Variants in ANKHD1 observed in about 807,000 individuals in gnomAD.
The protein encoded by ANKHD1 is ankyrin repeat and KH domain-containing protein 1.
A neutral mutation model predicts 230.5 loss-of-function variants in ANKHD1; 31 were observed. That is an observed-to-expected ratio of 0.13 (90% CI 0.10 to 0.18). The LOEUF (loss-of-function observed/expected upper bound fraction) is 0.18. ANKHD1 is among the 10% of genes least tolerant of loss of function. The probability of loss-of-function intolerance (pLI) is 1.00; values close to 1 mark genes in which losing one functional copy is unlikely to be tolerated. For synonymous variants in ANKHD1, 1,074 were observed against 1,117.6 expected, an observed-to-expected ratio of 0.96 and a Z score of 0.78; for missense variants, 2,256 against 3,071.3, an observed-to-expected ratio of 0.73 and a Z score of 6.27.
intron 10 of ANKHD1, among the ~76,000 whole-genome samples, chr5:140,475,037 A>G (rs1266043031): frequency 6.6e-6 from 1 of 152,180 alleles, no homozygotes; most frequent in Non-Finnish European, 1.5e-5. Flanking sequence ...ATCTAAAACT[A>G]CCTATGGAAT....
rs949883448 is a variant in ANKHD1 at position 140,403,943 on chromosome 5, G to A, written c.306+1670G>A. 3.3e-5 allele frequency among the ~76,000 whole-genome samples: 5 copies of A among 152,008 alleles called. No individual in the cohort carries two copies. The East Asian group carries it at 7.7e-4, about 23-fold the overall frequency. ...GTCTTATCATTCTAGGTCTGAACAG[G>A]GTTTTATTTAATATTTAAAACCTTA... On this transcript the variant is annotated intron_variant, in intron 1 of 33. Transcript: ENST00000360839.
intron 29 of ANKHD1, among the ~76,000 whole-genome samples, chr5:140,533,340 T>TA (rs1424043717): frequency 6.6e-6 from 1 of 152,170 alleles, no homozygotes; most frequent in Non-Finnish European, 1.5e-5. Flanking sequence ...GGCTCACGCC[T>TA]GTAATCCCAG....
At chr5:140,426,686 T>C (rs139713087) in intron 1 of ANKHD1, among the ~76,000 whole-genome samples, 2,292 of 152,248 alleles carry the variant, frequency 0.015, 61 homozygotes, top group African/African-American at 0.052. Flanking sequence ...TTTGTGTCCC[T>C]GGGTACTTGA....
In ANKHD1 at chr5:140,448,741, T is replaced by G. The variant is rs150440968; in HGVS notation, c.1148-470T>G. 3.7e-3 allele frequency among the ~76,000 whole-genome samples: 570 copies of G among 152,344 alleles called. 6 individuals are homozygous for G. The highest frequency in any genetic ancestry group is 0.013 in the African/African-American group (556 of 41,576). ...TCTGGAGTGTTTGTCATTTTCTTAT[T>G]GACTATCAAGGCTTTTTATATATTC... On this transcript the variant is annotated intron_variant, in intron 6 of 33. Transcript: ENST00000360839.
At chr5:140,447,720 G>A (rs1005886596) in intron 6 of ANKHD1, among the ~76,000 whole-genome samples, 3 of 152,150 alleles carry the variant, frequency 2.0e-5, no homozygotes, top group Non-Finnish European at 4.4e-5. Flanking sequence ...CCTAGTATGT[G>A]GTTTGTATCC....
At chr5:140,466,873 G>A (rs1776130687) in intron 10 of ANKHD1, among the ~76,000 whole-genome samples, 1 of 151,786 alleles carries the variant, frequency 6.6e-6, no homozygotes, top group Non-Finnish European at 1.5e-5. Context: ...GGCGGAGGTT[G>A]CAGTGAGCTG....
At chr5:140,457,058 CT>C (rs1384171827) in intron 7 of ANKHD1, among the ~76,000 whole-genome samples, 2 of 152,180 alleles carry the variant, frequency 1.3e-5, no homozygotes, top group Non-Finnish European at 2.9e-5. Context: ...TGAACAGACA[CT>C]TCTCAAAAGA....
rs890857791 is a variant in ANKHD1, at chr5:140,456,281, C to T, written c.1243-2344C>T. On this transcript the variant is annotated intron_variant, in intron 7 of 33. Coordinates refer to ENST00000360839, the MANE Select transcript of ANKHD1 (RefSeq NM_017747.3). ...ATTCAATATCGTGAAAATGGCCATA[C>T]TGCCCAAAGTAATTTATAGATTCAA... 4.6e-5 allele frequency among the ~76,000 whole-genome samples: 7 copies of T among 152,294 alleles called. No homozygotes were observed. The South Asian group carries it at 8.3e-4, about 18-fold the overall frequency.
At chr5:140,489,102 ATCACTT>A (rs1361782495) in intron 14 of ANKHD1, among the ~76,000 whole-genome samples, 1 of 151,536 alleles carries the variant, frequency 6.6e-6, no homozygotes, top group Non-Finnish European at 1.5e-5. Context: ...TAGTGGGAGG[ATCACTT>A]CAGCCTGGGA....
At chr5:140,482,289 C>T (rs1751314851) in intron 10 of ANKHD1, among the ~76,000 whole-genome samples, 1 of 151,958 alleles carries the variant, frequency 6.6e-6, no homozygotes, top group African/African-American at 2.4e-5. Context: ...TTTTTTAAAA[C>T]TTAGAATTAG....
At chr5:140,446,160 A>G (rs1774262181) in intron 6 of ANKHD1, among the ~76,000 whole-genome samples, 185 bp downstream of exon 6, 1 of 152,078 alleles carries the variant, frequency 6.6e-6, no homozygotes, top group African/African-American at 2.4e-5. Flanking sequence ...GTTTTCTAGT[A>G]TATGTTTATT....
At position 140,526,361 on chromosome 5, in the gene ANKHD1, G is replaced by A. The variant is rs991367864; in HGVS notation, c.4858G>A (p.Val1620Met). 2 of 1,614,162 alleles carry A rather than the reference G, an allele frequency of 1.2e-6. No homozygotes were observed. The highest frequency in any genetic ancestry group is 3.3e-5 in the Admixed American group (2 of 60,002). ...KSQELNFVMDVNSSKYPSLLL... is the reference protein window; with the variant it reads ...KSQELNFVMDMNSSKYPSLLL... The stretch of plus-strand genomic sequence containing the variant: ...CCAAGAGTTAAATTTTGTGATGGAT[G>A]TGAATTCCTCTAAATACCCCTCACT... The change falls in exon 26 of 34, where the codon GTG becomes ATG. Residue 1620 changes from valine to methionine, a missense_variant. Coordinates refer to ENST00000360839, the MANE Select transcript of ANKHD1 (RefSeq NM_017747.3).
rs1178240747 is a variant in ANKHD1, at chr5:140,496,443, CTTTTTTTTTTTTCTTTTCT to C, written c.2246-64_2246-46del. ...GTGTGTGGGAGGGGAGGCTGGTTTTCTTTTTTTTTTTTCTTTTCTTTTTTTTTTTTTTTTTTTTTAGCAT... is the reference window on the plus strand; with the variant it reads ...GTGTGTGGGAGGGGAGGCTGGTTTTCTTTTTTTTTTTTTTTTTTTTAGCAT... On this transcript the variant is annotated intron_variant, in intron 14 of 33. Coordinates refer to ENST00000360839, the MANE Select transcript of ANKHD1 (RefSeq NM_017747.3). 159 of 721,158 alleles carry C rather than the reference CTTTTTTTTTTTTCTTTTCT, an allele frequency of 2.2e-4. No individual in the cohort carries two copies. The East Asian group carries it at 8.3e-3, about 38-fold the overall frequency. The allele number at this position is 721,158 out of a possible 1,614,324, so 44.7% of individuals were successfully genotyped here. A position where few individuals can be genotyped will look rare whatever the true frequency, so the allele number is the denominator to read the frequency against.
At chr5:140,447,594 C>T (rs1186964107) in intron 6 of ANKHD1, among the ~76,000 whole-genome samples, 1 of 152,200 alleles carries the variant, frequency 6.6e-6, no homozygotes, top group Non-Finnish European at 1.5e-5. Flanking sequence ...GCATATGTCA[C>T]AAAATCTAAA....
At chr5:140,424,318 C>T (rs1384393000) in intron 1 of ANKHD1, among the ~76,000 whole-genome samples, 1 of 152,090 alleles carries the variant, frequency 6.6e-6, no homozygotes, top group Non-Finnish European at 1.5e-5. Flanking sequence ...ATATCTTGTT[C>T]TGTCATCCAG....
intron 24 of ANKHD1, among the ~76,000 whole-genome samples, chr5:140,519,473 A>T (rs1490911342): frequency 6.6e-6 from 1 of 152,210 alleles, no homozygotes; most frequent in African/African-American, 2.4e-5. Context: ...TCGCCAAGTC[A>T]GTCCTACGCC....
chr5:140,421,325 A>C (rs1421838389), intron 1 of ANKHD1, among the ~76,000 whole-genome samples: 1 of 130,538 alleles, frequency 7.7e-6, no homozygotes, highest in African/African-American at 2.8e-5. Flanking sequence ...TTTTTGAGAC[A>C]GTTTCGCTCT....
chr5:140,520,258 T>C (rs1753263855), intron 24 of ANKHD1, among the ~76,000 whole-genome samples: 2 of 152,142 alleles, frequency 1.3e-5, no homozygotes, highest in Non-Finnish European at 2.9e-5. Flanking sequence ...AGAATGGCGA[T>C]CATTAAAAAG....
intron 1 of ANKHD1, among the ~76,000 whole-genome samples, chr5:140,428,021 C>T (rs1352411750): frequency 5.3e-5 from 8 of 151,780 alleles, no homozygotes; most frequent in Admixed American, 1.3e-4. Context: ...GAGGCACTCC[C>T]CACATCCCGG....
Sources: gnomAD v4.1 joint callset for allele counts (sites outside exome capture counted in the v4.1 genomes callset) on GRCh38, gnomAD v4.1.1 for gene constraint, MANE v1.5 for transcripts, NCBI Gene and HGNC (gene_info 2026-07-23, HGNC 2026-07-21) for gene names.